ZNF704: variants seen among roughly 807,000 people sequenced by gnomAD.
ZNF704 encodes the protein glucocorticoid induced gene 1.
A neutral mutation model predicts 44.7 loss-of-function variants in ZNF704; 10 were observed. That is an observed-to-expected ratio of 0.22 (90% CI 0.14 to 0.38). ZNF704 has a LOEUF of 0.38. Among genes scored for constraint, ZNF704 ranks in the 10% least tolerant of loss-of-function variants. The pLI, the probability that ZNF704 is intolerant of heterozygous loss-of-function variation, is 1.00. For synonymous variants in ZNF704, 211 were observed against 207.6 expected (o/e 1.02, Z -0.14); for missense variants, 390 against 545.5 (o/e 0.71, Z 2.84).
intron 1 of ZNF704, among the ~76,000 whole-genome samples, chr8:80,853,024 G>T (rs16908092): frequency 0.02 from 3,099 of 152,188 alleles, 50 homozygotes; most frequent in Non-Finnish European, 0.032. Flanking sequence ...CTAGATGAGG[G>T]ATCGCTCTAT....
chr8:80,686,530 T>C (rs1229699550), intron 4 of ZNF704, among the ~76,000 whole-genome samples: 1 of 151,738 alleles, frequency 6.6e-6, no homozygotes, highest in East Asian at 1.9e-4. Context: ...TACAGGTGCA[T>C]GCCACTACAC....
At chr8:80,828,089 C>T (rs7816013) in intron 1 of ZNF704, among the ~76,000 whole-genome samples, 32,193 of 151,984 alleles carry the variant, frequency 0.21, 4,741 homozygotes, top group African/African-American at 0.42. Context: ...TGGGATCTAA[C>T]TAAACTAAAG....
At chr8:80,672,924 T>TG (rs1343518963) in intron 4 of ZNF704, among the ~76,000 whole-genome samples, 3 of 150,616 alleles carry the variant, frequency 2.0e-5, no homozygotes, top group Admixed American at 6.6e-5. Context: ...AAAGTTGAAC[T>TG]TAAAAAAAAA....
intron 2 of ZNF704, among the ~76,000 whole-genome samples, chr8:80,720,742 A>C (rs1348311994): frequency 2.6e-5 from 4 of 152,238 alleles, no homozygotes; most frequent in Non-Finnish European, 4.4e-5. Context: ...CCCTCACCTC[A>C]TCTCAGAGGG....
At chr8:80,814,924 T>G (rs1808151375) in intron 2 of ZNF704, among the ~76,000 whole-genome samples, 1 of 152,158 alleles carries the variant, frequency 6.6e-6, no homozygotes, top group Non-Finnish European at 1.5e-5. Flanking sequence ...TGGGCGACTT[T>G]CCGATAAACT....
chr8:80,761,479 AACAC>A (rs1807129828), intron 2 of ZNF704, among the ~76,000 whole-genome samples: 1 of 152,188 alleles, frequency 6.6e-6, no homozygotes, highest in Non-Finnish European at 1.5e-5. Context: ...TATAATCCTG[AACAC>A]TGAAATCCCC....
chr8:80,769,116 T>C (rs1181993025), intron 2 of ZNF704, among the ~76,000 whole-genome samples: 4 of 152,168 alleles, frequency 2.6e-5, no homozygotes, highest in Non-Finnish European at 4.4e-5. Flanking sequence ...TTCAAATCTT[T>C]AGAGATTCTA....
chr8:80,861,836 A>G (rs1194338618), intron 1 of ZNF704, among the ~76,000 whole-genome samples: 3 of 151,728 alleles, frequency 2.0e-5, no homozygotes, highest in Admixed American at 2.0e-4. Flanking sequence ...GGTATGTCAA[A>G]CTTAACATGT....
At chr8:80,652,094 A>G (rs910987010) in intron 7 of ZNF704, among the ~76,000 whole-genome samples, 2 of 152,264 alleles carry the variant, frequency 1.3e-5, no homozygotes, top group Non-Finnish European at 2.9e-5. Context: ...ATGAAGGCAG[A>G]AATAAAAATG....
intron 2 of ZNF704, among the ~76,000 whole-genome samples, chr8:80,752,021 G>C (rs1446079980): frequency 6.6e-6 from 1 of 152,196 alleles, no homozygotes; most frequent in East Asian, 1.9e-4. Flanking sequence ...TGGGATTACA[G>C]GTGTGAGCCA....
At chr8:80,678,076 C>T (rs1818397907) in intron 4 of ZNF704, among the ~76,000 whole-genome samples, 1 of 152,116 alleles carries the variant, frequency 6.6e-6, no homozygotes, top group Non-Finnish European at 1.5e-5. Flanking sequence ...CTGGTAGCTA[C>T]CTGAGGAAAG....
At chr8:80,848,417 A>T (rs1808802592) in intron 1 of ZNF704, among the ~76,000 whole-genome samples, 1 of 152,212 alleles carries the variant, frequency 6.6e-6, no homozygotes, top group South Asian at 2.1e-4. Context: ...GGGCTGTATC[A>T]ATGTCGATTT....
chr8:80,657,174 GT>G (rs551048804), intron 7 of ZNF704, among the ~76,000 whole-genome samples: 1 of 151,842 alleles, frequency 6.6e-6, no homozygotes, highest in South Asian at 2.1e-4. Context: ...GCACCTGCTT[GT>G]TTTTTTTAGA....
intron 3 of ZNF704, among the ~76,000 whole-genome samples, chr8:80,690,499 A>T (rs964038627): frequency 1.3e-5 from 2 of 152,108 alleles, no homozygotes; most frequent in African/African-American, 4.8e-5. Context: ...TGGCACCATA[A>T]GCTCAATGCA....
At chr8:80,680,013 G>A (rs1173922062) in intron 4 of ZNF704, among the ~76,000 whole-genome samples, 1 of 152,112 alleles carries the variant, frequency 6.6e-6, no homozygotes, top group Admixed American at 6.6e-5. Context: ...AGGTGTCCCT[G>A]ATTTTCTCTC....
intron 1 of ZNF704, chr8:80,873,572 G>C (rs1412407922): frequency 6.6e-6 from 1 of 151,544 alleles, no homozygotes; most frequent in African/African-American, 2.4e-5. Flanking sequence ...CGGGCCCCTG[G>C]GGACTGCGTG....
intron 2 of ZNF704, among the ~76,000 whole-genome samples, chr8:80,700,128 C>T (rs1818786155): frequency 6.6e-6 from 1 of 151,472 alleles, no homozygotes; most frequent in South Asian, 2.1e-4. Context: ...CCTGTCAGGA[C>T]CTCTCTCCCC....
intron 2 of ZNF704, among the ~76,000 whole-genome samples, chr8:80,704,527 A>G (rs73273032): frequency 0.17 from 26,361 of 152,210 alleles, 4,645 homozygotes; most frequent in African/African-American, 0.45. Flanking sequence ...GGATGGTGCC[A>G]GTCACAGGAA....
chr8:80,831,803 G>A, intron 1 of ZNF704, among the ~76,000 whole-genome samples: 1 of 152,202 alleles, frequency 6.6e-6, no homozygotes, highest in East Asian at 1.9e-4. Context: ...GTAAGAAACT[G>A]ACAGCTTCCT....
Sources: gnomAD v4.1 joint callset for allele counts (sites outside exome capture counted in the v4.1 genomes callset) on GRCh38, gnomAD v4.1.1 for gene constraint, MANE v1.5 for transcripts, NCBI Gene and HGNC (gene_info 2026-07-23, HGNC 2026-07-21) for gene names.